The following SIK3 variants were observed in gnomAD, a reference collection of about 807,000 sequenced individuals.
SIK3 encodes SIK family kinase 3, also known as serine/threonine-protein kinase SIK3.
In SIK3, 28 loss-of-function variants were observed where a neutral mutation model predicts 144.2. The observed-to-expected ratio is 0.19, with a 90% CI of 0.14 to 0.27. The LOEUF is 0.27. SIK3 is among the 10% of genes least tolerant of loss of function. The probability of loss-of-function intolerance (pLI) is 1.00; values close to 1 mark genes in which losing one functional copy is unlikely to be tolerated. For synonymous variants in SIK3, 686 were observed against 676.3 expected (o/e 1.01, Z -0.22); for missense variants, 1,319 against 1,776.0 (o/e 0.74, Z 4.62).
chr11:117,067,298 T>A (rs138748528), intron 1 of SIK3, among the ~76,000 whole-genome samples: 17 of 152,270 alleles, frequency 1.1e-4, no homozygotes, highest in African/African-American at 3.6e-4. Flanking sequence ...AATAGGTGAA[T>A]GAATAAACAA....
At chr11:117,084,755 T>C (rs912407573) in intron 1 of SIK3, among the ~76,000 whole-genome samples, 1 of 152,108 alleles carries the variant, frequency 6.6e-6, no homozygotes, top group Non-Finnish European at 1.5e-5. Context: ...AAATTAGACG[T>C]GAATGAGATG....
At chr11:116,900,584 C>T (rs531587828) in intron 4 of SIK3, among the ~76,000 whole-genome samples, 1 of 152,320 alleles carries the variant, frequency 6.6e-6, no homozygotes, top group South Asian at 2.1e-4. Flanking sequence ...TCCAATTTAT[C>T]CCTGGCCATG....
chr11:116,885,195 G>T (rs1176875084), intron 6 of SIK3, among the ~76,000 whole-genome samples: 1 of 152,132 alleles, frequency 6.6e-6, no homozygotes, highest in East Asian at 1.9e-4. Context: ...TAGGGAGATG[G>T]CCTGGAACAC....
Position 116,975,417 on chromosome 11 carries a change from A to C in SIK3, c.274-18353T>G, listed in dbSNP as rs138899262. On this transcript the variant is annotated intron_variant, in intron 1 of 24. Coordinates refer to ENST00000445177, the MANE Select transcript of SIK3 (RefSeq NM_001366686.3). ...AACCACTAATCCACTTTCTTTCTAT[A>C]AATTTGCCTATACTAAATATTTCAT... is the stretch of plus-strand genomic sequence containing the variant. Among the ~76,000 whole-genome samples, 331 of 152,210 alleles carry C rather than the reference A, an allele frequency of 2.2e-3. 2 individuals are homozygous for C. Among genetic ancestry groups the C allele is most frequent in the African/African-American group, 7.7e-3 (321 of 41,498 alleles).
chr11:116,900,865 A>AT lies in SIK3; in HGVS notation c.617-3549dup, dbSNP rs111403613. Among the ~76,000 whole-genome samples, 905 of 145,638 alleles carry AT rather than the reference A, an allele frequency of 6.2e-3. 10 individuals carry two copies. Among genetic ancestry groups the AT allele is most frequent in the Middle Eastern group, 0.042 (12 of 286 alleles). On this transcript the variant is annotated intron_variant, in intron 4 of 24. Transcript: ENST00000445177. ...ATATACATATACATATATATTATTT[A>AT]TTTTTTTTTTTTTTTTGAGACAGAG... is the stretch of plus-strand genomic sequence containing the variant.
At chr11:116,921,926 TC>T (rs1450823103) in intron 4 of SIK3, among the ~76,000 whole-genome samples, 1 of 150,298 alleles carries the variant, frequency 6.7e-6, no homozygotes, top group Non-Finnish European at 1.5e-5. Flanking sequence ...AATGGTTCAA[TC>T]TTTTTTTTTT....
In SIK3 at chr11:117,088,494, AAACTCAGCTCTTATTTTT is replaced by A. The variant is rs1955110716; in HGVS notation, c.273+9631_273+9648del. ...AAAGATGTATTAAGGGTATAAAAAC[AAACTCAGCTCTTATTTTT>A]AATCCTTATATTCATGTACTCAATG... On this transcript the variant is annotated intron_variant, in intron 1 of 24. Transcript: ENST00000445177. Among the ~76,000 whole-genome samples, 14 of 152,324 alleles carry A rather than the reference AAACTCAGCTCTTATTTTT, an allele frequency of 9.2e-5. No individual in the cohort carries two copies. The South Asian group carries it at 2.9e-3, about 32-fold the overall frequency.
At chr11:117,063,092 T>C (rs1035575510) in intron 1 of SIK3, among the ~76,000 whole-genome samples, 2 of 152,218 alleles carry the variant, frequency 1.3e-5, no homozygotes, top group African/African-American at 4.8e-5. Context: ...TTAAAGGGGT[T>C]TCTTACTCCT....
chr11:116,862,872 G>T (rs754252003), intron 16 of SIK3, among the ~76,000 whole-genome samples: 1 of 152,106 alleles, frequency 6.6e-6, no homozygotes, highest in Non-Finnish European at 1.5e-5. Flanking sequence ...TCAGAAGTTC[G>T]AGACATAGCC....
intron 1 of SIK3, among the ~76,000 whole-genome samples, chr11:116,960,179 T>C (rs910293142): frequency 2.5e-4 from 38 of 152,308 alleles, no homozygotes; most frequent in African/African-American, 8.9e-4. Flanking sequence ...GATTAAAACA[T>C]CAAACTCCTG....
chr11:116,969,059 G>A (rs1292748322), intron 1 of SIK3, among the ~76,000 whole-genome samples: 1 of 152,130 alleles, frequency 6.6e-6, no homozygotes, highest in Non-Finnish European at 1.5e-5. Flanking sequence ...GGGAGGCCGA[G>A]GCGGGTGGAT....
chr11:116,848,001 C>A (rs571063455), intron 22 of SIK3, among the ~76,000 whole-genome samples: 1 of 152,320 alleles, frequency 6.6e-6, no homozygotes, highest in Admixed American at 6.5e-5. Flanking sequence ...CCAGTAGCCA[C>A]AAGTGGCTAC....
intron 1 of SIK3, among the ~76,000 whole-genome samples, chr11:117,019,940 A>C (rs954921389): frequency 3.3e-5 from 5 of 152,084 alleles, no homozygotes; most frequent in African/African-American, 7.2e-5. Context: ...CAAATAAAAC[A>C]GTTTATTGAT....
intron 3 of SIK3, among the ~76,000 whole-genome samples, chr11:116,937,544 T>C (rs1261007782): frequency 6.6e-6 from 1 of 152,202 alleles, no homozygotes; most frequent in South Asian, 2.1e-4. Flanking sequence ...CAATTCTTCA[T>C]GGGATATATC....
intron 1 of SIK3, among the ~76,000 whole-genome samples, chr11:117,010,134 G>A (rs969348279): frequency 6.6e-6 from 1 of 151,868 alleles, no homozygotes; most frequent in Non-Finnish European, 1.5e-5. Flanking sequence ...GCCTCTCCCA[G>A]ACAGGCTTCC....
At chr11:116,909,518 C>T (rs945198416) in intron 4 of SIK3, among the ~76,000 whole-genome samples, 2 of 152,052 alleles carry the variant, frequency 1.3e-5, no homozygotes, top group Non-Finnish European at 2.9e-5. Context: ...TACACAGATG[C>T]TTAAAGAAAA....
chr11:117,014,356 A>G (rs1951429867), intron 1 of SIK3, among the ~76,000 whole-genome samples: 1 of 152,156 alleles, frequency 6.6e-6, no homozygotes. Context: ...GCCCTTAAGA[A>G]ATCTAAATGT....
At chr11:117,046,799 T>C (rs982948928) in intron 1 of SIK3, among the ~76,000 whole-genome samples, 3 of 152,094 alleles carry the variant, frequency 2.0e-5, no homozygotes, top group South Asian at 2.1e-4. Context: ...AGGATTGCTT[T>C]AGCCTGGGAG....
At chr11:117,050,664 G>A (rs1004377069) in intron 1 of SIK3, among the ~76,000 whole-genome samples, 3 of 152,044 alleles carry the variant, frequency 2.0e-5, no homozygotes, top group Non-Finnish European at 4.4e-5. Flanking sequence ...TCCAGCCTGG[G>A]CAACAAGAGT....
Sources: allele counts gnomAD v4.1 joint callset (sites outside exome capture counted in the v4.1 genomes callset), GRCh38; gene constraint gnomAD v4.1.1; transcripts MANE v1.5; gene names NCBI Gene and HGNC (gene_info 2026-07-23, HGNC 2026-07-21).